Variants in ATL2 observed in about 807,000 individuals in gnomAD.
The protein encoded by ATL2 is atlastin GTPase 2.
Under a neutral mutation model 73.9 loss-of-function variants are expected in ATL2, and 31 were observed. That is an observed-to-expected ratio of 0.42 (90% CI 0.32 to 0.57). The LOEUF (loss-of-function observed/expected upper bound fraction) is 0.57. Ranked by LOEUF, ATL2 falls within the 20% of genes least tolerant of loss-of-function variation. ATL2 has a pLI of 0.14. For synonymous variants in ATL2, 291 were observed against 237.5 expected (o/e 1.23, Z -2.07); for missense variants, 738 against 702.6 (o/e 1.05, Z -0.57).
At position 38,298,267 on chromosome 2, in the gene ATL2, C is replaced by A. The variant is rs537244506; in HGVS notation, c.1509G>T (p.Leu503Phe). 8 of 1,614,134 alleles carry A rather than the reference C, an allele frequency of 5.0e-6. No individual in the cohort carries two copies. The highest frequency in any genetic ancestry group is 3.3e-5 in the South Asian group (3 of 91,080). Residue 503 changes from leucine to phenylalanine, a missense_variant, in exon 12 of 13, where the codon TTG becomes TTT. Leu to Phe is a conservative substitution (Grantham distance 22). Coordinates refer to ENST00000378954, the MANE Select transcript of ATL2 (RefSeq NM_001135673.4). ...GFIGLNSIAV[L>F]CNLVMGLALI... ...GTGCTAACCCCATGACAAGGTTACA[C>A]AAGACAGCTATAGAGTTTAGGCCAA...
At chr2:38,297,953 C>G in intron 12 of ATL2, 191 bp downstream of exon 12, 1 of 597,594 alleles carries the variant, frequency 1.7e-6, no homozygotes, top group East Asian at 2.9e-5. Flanking sequence ...TTAGGCTAAC[C>G]AAAGTACATT....
In ATL2 at chr2:38,329,423, C is replaced by CAAAAAAAAAAAAAA. The variant is rs70954711; in HGVS notation, c.364-10418_364-10405dup. 5.7e-3 allele frequency among the ~76,000 whole-genome samples: 78 copies of CAAAAAAAAAAAAAA among 13,666 alleles called. 2 individuals carry two copies. The highest frequency in any genetic ancestry group is 0.01 in the South Asian group (2 of 198). 9.0% of individuals were successfully genotyped at this position (13,666 alleles called of 152,430 possible). A position where few individuals can be genotyped will look rare whatever the true frequency, so the allele number is the denominator to read the frequency against. ...AGGAGACAGAGCAAGACTCCATCTC[C>CAAAAAAAAAAAAAA]AAAAAAAAAAAAAAAAAAAAAAAAA... On this transcript the variant is annotated intron_variant, in intron 2 of 12. Coordinates refer to ENST00000378954, the MANE Select transcript of ATL2 (RefSeq NM_001135673.4).
chr2:38,343,118 A>G, intron 2 of ATL2, 150 bp downstream of exon 2: 1 of 716,650 alleles, frequency 1.4e-6, no homozygotes, highest in South Asian at 2.6e-5. Context: ...ACTGCACTCC[A>G]TCCTGGGTAA....
chr2:38,368,421 T>C (rs997760519), intron 1 of ATL2, among the ~76,000 whole-genome samples: 5 of 152,148 alleles, frequency 3.3e-5, no homozygotes, highest in Non-Finnish European at 5.9e-5. Context: ...CCCGGCTAAT[T>C]TTGTATTTTT....
At chr2:38,358,618 A>C (rs1260943860) in intron 1 of ATL2, 1 of 252,468 alleles carries the variant, frequency 4.0e-6, no homozygotes, top group Non-Finnish European at 8.5e-6. Flanking sequence ...CGTGGACCCA[A>C]GAGGCGGAGC....
At chr2:38,339,686 TTTA>T (rs1669586365) in intron 2 of ATL2, among the ~76,000 whole-genome samples, 1 of 152,016 alleles carries the variant, frequency 6.6e-6, no homozygotes. Context: ...AATATTTATT[TTTA>T]TTTTATTTAT....
intron 1 of ATL2, among the ~76,000 whole-genome samples, chr2:38,368,167 C>T (rs1671455498): frequency 6.6e-6 from 1 of 151,642 alleles, no homozygotes; most frequent in African/African-American, 2.4e-5. Flanking sequence ...ATCTCCTGAC[C>T]TCATGATCCA....
intron 1 of ATL2, among the ~76,000 whole-genome samples, chr2:38,370,825 A>G (rs1327662534): frequency 1.3e-5 from 2 of 152,028 alleles, no homozygotes; most frequent in Non-Finnish European, 2.9e-5. Flanking sequence ...AGGGTAGTGC[A>G]AGCCTGTAGA....
At chr2:38,353,522 A>C (rs1670480794) in intron 1 of ATL2, among the ~76,000 whole-genome samples, 1 of 152,216 alleles carries the variant, frequency 6.6e-6, no homozygotes, top group Non-Finnish European at 1.5e-5. Context: ...GAGCTGAAAA[A>C]ATATTTGAAG....
At chr2:38,343,916 A>G (rs1448077135) in intron 1 of ATL2, among the ~76,000 whole-genome samples, 2 of 152,274 alleles carry the variant, frequency 1.3e-5, no homozygotes. Context: ...CCACCATGTG[A>G]GATGTGCCTT....
chr2:38,297,989 C>T (rs1029772576), intron 12 of ATL2, 155 bp downstream of exon 12: 2 of 708,398 alleles, frequency 2.8e-6, no homozygotes, highest in African/African-American at 3.6e-5. Flanking sequence ...AAGAAAAAAT[C>T]TTCAATTCAT....
intron 2 of ATL2, among the ~76,000 whole-genome samples, chr2:38,332,380 G>C (rs997648792): frequency 3.3e-5 from 5 of 151,852 alleles, no homozygotes; most frequent in Non-Finnish European, 7.4e-5. Context: ...CTAATTTTTT[G>C]ATTTTTGTAG....
Position 38,349,211 on chromosome 2 carries a change from G to C in ATL2, c.119-5699C>G, listed in dbSNP as rs191650340. Among the ~76,000 whole-genome samples the C allele has an allele frequency of 2.9e-3, 435 of 152,150 alleles. 5 individuals carry two copies. The highest frequency in any genetic ancestry group is 9.4e-3 in the African/African-American group (391 of 41,478). On this transcript the variant is annotated intron_variant, in intron 1 of 12. Coordinates refer to ENST00000378954, the MANE Select transcript of ATL2 (RefSeq NM_001135673.4). ...GGACTATAAATCATGCTGCTATAAA[G>C]ACACATGCACACGTATGTTCGTTGT... is the stretch of plus-strand genomic sequence containing the variant.
intron 1 of ATL2, among the ~76,000 whole-genome samples, chr2:38,345,409 TGATTTGCAAAGAC>T (rs1669962638): frequency 6.6e-6 from 1 of 152,212 alleles, no homozygotes; most frequent in African/African-American, 2.4e-5. Flanking sequence ...CTCACTTATC[TGATTTGCAAAGAC>T]TATTAGAGCC....
intron 2 of ATL2, among the ~76,000 whole-genome samples, chr2:38,338,981 G>C (rs1200272255): frequency 6.6e-6 from 1 of 152,178 alleles, no homozygotes; most frequent in Non-Finnish European, 1.5e-5. Flanking sequence ...TTGGGAGGCT[G>C]AGGCGGGCAG....
At chr2:38,344,818 C>T (rs1314340122) in intron 1 of ATL2, among the ~76,000 whole-genome samples, 1 of 152,144 alleles carries the variant, frequency 6.6e-6, no homozygotes, top group Non-Finnish European at 1.5e-5. Context: ...GCATTTATAT[C>T]TCAGAATTTC....
intron 8 of ATL2, among the ~76,000 whole-genome samples, chr2:38,310,080 C>G (rs59376448): frequency 0.1 from 15,757 of 152,212 alleles, 2,725 homozygotes; most frequent in African/African-American, 0.36. Flanking sequence ...CAGGACATCA[C>G]TGCTGAGCAA....
chr2:38,376,257 GGT>G (rs1222977787), intron 1 of ATL2: 4 of 1,411,092 alleles, frequency 2.8e-6, no homozygotes, highest in Non-Finnish European at 3.7e-6. Context: ...TATAAATAGG[GGT>G]GTTATGAGTG....
At chr2:38,371,129 C>G (rs911706522) in intron 1 of ATL2, among the ~76,000 whole-genome samples, 1 of 151,860 alleles carries the variant, frequency 6.6e-6, no homozygotes. Flanking sequence ...AACTTTCCTC[C>G]TTTGAGGAGT....
Sources: gnomAD v4.1 joint callset for allele counts (sites outside exome capture counted in the v4.1 genomes callset) on GRCh38, gnomAD v4.1.1 for gene constraint, MANE v1.5 for transcripts, NCBI Gene and HGNC (gene_info 2026-07-23, HGNC 2026-07-21) for gene names.